PRKRIP1: variants seen among roughly 807,000 people sequenced by gnomAD.
The protein encoded by PRKRIP1 is PRKR interacting protein 1.
PRKRIP1 carries 29 observed loss-of-function variants against 29.3 expected under a neutral mutation model. That is an observed-to-expected ratio of 0.99 (90% CI 0.74 to 1.35). The LOEUF (loss-of-function observed/expected upper bound fraction) is 1.35. PRKRIP1 is among the 40% of genes most tolerant of loss of function. The probability of loss-of-function intolerance (pLI) is 0.00; values close to 1 mark genes in which losing one functional copy is unlikely to be tolerated. For missense variants in PRKRIP1, 247 were observed against 236.8 expected (o/e 1.04, Z -0.28); for synonymous variants, 90 against 85.1 (o/e 1.06, Z -0.32).
intron 1 of PRKRIP1, among the ~76,000 whole-genome samples, chr7:102,396,942 C>T (rs1268022288): frequency 6.6e-6 from 1 of 152,148 alleles, no homozygotes; most frequent in Non-Finnish European, 1.5e-5. Context: ...CTCACACCCC[C>T]TCTGGGCCTC....
chr7:102,403,806 TGTGTGG>T (rs1324109882), intron 3 of PRKRIP1, among the ~76,000 whole-genome samples: 1 of 152,076 alleles, frequency 6.6e-6, no homozygotes, highest in Non-Finnish European at 1.5e-5. Context: ...TACAAATATC[TGTGTGG>T]GTGTGGGTGT....
At position 102,419,888 on chromosome 7, in the gene PRKRIP1, TG is replaced by T. The variant is rs1796649786; in HGVS notation, c.458-5125del. On this transcript the variant is annotated intron_variant, in intron 5 of 5. Coordinates refer to ENST00000397912, the MANE Select transcript of PRKRIP1 (RefSeq NM_024653.4). The stretch of plus-strand genomic sequence containing the variant: ...GTGTGTGTGTGTGTGTGTGTGTGTG[TG>T]TGTGTGTTTTTGAGATGGAGTCTCT... 7.6e-5 allele frequency among the ~76,000 whole-genome samples: 9 copies of T among 118,986 alleles called. No individual in the cohort carries two copies. In the South Asian group the frequency reaches 1.4e-3, roughly 19 times the overall value. The allele number at this position is 118,986 out of a possible 152,430, so 78.1% of individuals were successfully genotyped here. A position where few individuals can be genotyped will look rare whatever the true frequency, so the allele number is the denominator to read the frequency against.
At chr7:102,405,923 C>T in intron 4 of PRKRIP1, 1 of 336,208 alleles carries the variant, frequency 3.0e-6, no homozygotes, top group Non-Finnish European at 5.9e-6. Context: ...TCTTGGAAAG[C>T]ATTTTCTGCA....
intron 5 of PRKRIP1, among the ~76,000 whole-genome samples, chr7:102,413,825 T>C (rs999294601): frequency 6.6e-6 from 1 of 152,174 alleles, no homozygotes; most frequent in Non-Finnish European, 1.5e-5. Flanking sequence ...AAAAACAAAG[T>C]GTGTGCTTCA....
At chr7:102,419,845 TTGTGTGTG>T (rs56752508) in intron 5 of PRKRIP1, among the ~76,000 whole-genome samples, 14,432 of 142,576 alleles carry the variant, frequency 0.1, 952 homozygotes, top group East Asian at 0.28. Context: ...TTTTGTGTTT[TTGTGTGTG>T]TGTGTGTGTG....
rs201122180 is a variant in PRKRIP1, at chr7:102,402,076, TAGAC to T, written c.306+2431_306+2434del. Among the ~76,000 whole-genome samples, 170 of 152,278 alleles carry T rather than the reference TAGAC, an allele frequency of 1.1e-3. No individual in the cohort carries two copies. In the East Asian group the frequency reaches 0.012, roughly 11 times the overall value. On this transcript the variant is annotated intron_variant, in intron 3 of 5. Coordinates refer to ENST00000397912, the MANE Select transcript of PRKRIP1 (RefSeq NM_024653.4). The stretch of plus-strand genomic sequence containing the variant: ...CAGTCTCAATCCTAGTGAGAAGTAT[TAGAC>T]AGTTTTTGTCACAAAATTCTACCAG...
rs114685149 is a variant in PRKRIP1, at chr7:102,424,806, G to A, written c.458-208G>A. Among the ~76,000 whole-genome samples the A allele has an allele frequency of 4.3e-3, 650 of 152,198 alleles. 6 individuals are homozygous for A. Among genetic ancestry groups the A allele is most frequent in the African/African-American group, 0.015 (610 of 41,510 alleles). The stretch of plus-strand genomic sequence containing the variant: ...CTTTGGGTAAAGATGGGGTGCACCC[G>A]TGAGAGCAGTGGTAGATCAGGTCTG... On this transcript the variant is annotated intron_variant, in intron 5 of 5. Transcript: ENST00000397912.
Position 102,425,321 on chromosome 7 carries a change from C to A in PRKRIP1, c.*210C>A. Reference sequence around the variant, plus strand: ...CCTGACACTCAGAGGCACTGCCTTGCAGACACCATCCGTGCTCCTGGTAAA... The same window carrying A: ...CCTGACACTCAGAGGCACTGCCTTGAAGACACCATCCGTGCTCCTGGTAAA... On this transcript the variant is annotated 3_prime_UTR_variant, in exon 6 of 6. Coordinates refer to ENST00000397912, the MANE Select transcript of PRKRIP1 (RefSeq NM_024653.4). 1.1e-6 allele frequency: 1 copy of A among 925,418 alleles called. No homozygotes were observed. Among genetic ancestry groups the A allele is most frequent in the South Asian group, 1.5e-5 (1 of 65,504 alleles). 57.3% of individuals were successfully genotyped at this position (925,418 alleles called of 1,614,324 possible).
chr7:102,423,809 G>A (rs1299432933), intron 5 of PRKRIP1, among the ~76,000 whole-genome samples: 1 of 151,968 alleles, frequency 6.6e-6, no homozygotes, highest in African/African-American at 2.4e-5. Flanking sequence ...CATGAGTAGC[G>A]AGGACTATAG....
At chr7:102,396,565 C>A (rs782199846) in intron 1 of PRKRIP1, 28 bp downstream of exon 1, 9 of 1,595,750 alleles carry the variant, frequency 5.6e-6, no homozygotes, top group Non-Finnish European at 7.7e-6. Context: ...CTCCACGGCC[C>A]GTCCGAGGCC....
In PRKRIP1 at chr7:102,399,588, C is replaced by T. The variant is rs1554570932; in HGVS notation, c.246C>T (p.Tyr82=). ...CCGGCAGTGGAGAGTTCCACGTGTACAGACATCTGCGCCGGAGAGAATATC... is the reference window on the plus strand; with the variant it reads ...CCGGCAGTGGAGAGTTCCACGTGTATAGACATCTGCGCCGGAGAGAATATC... ...AGAGSGEFHV[Y]RHLRRREYQR... The change falls in exon 3 of 6, where the codon TAC becomes TAT. Residue 82 remains tyrosine, a synonymous_variant. Coordinates refer to ENST00000397912, the MANE Select transcript of PRKRIP1 (RefSeq NM_024653.4). 1 of 1,614,146 alleles carries T rather than the reference C, an allele frequency of 6.2e-7. No homozygotes were observed. The highest frequency in any genetic ancestry group is 1.1e-5 in the South Asian group (1 of 91,090).
chr7:102,406,215 G>C (rs148814679), intron 4 of PRKRIP1, among the ~76,000 whole-genome samples: 2 of 152,110 alleles, frequency 1.3e-5, no homozygotes, highest in African/African-American at 4.8e-5. Context: ...TGGTTTCACC[G>C]GGATTCAGAA....
chr7:102,398,182 TC>T (rs1216434800), intron 2 of PRKRIP1, among the ~76,000 whole-genome samples: 1 of 152,258 alleles, frequency 6.6e-6, no homozygotes, highest in South Asian at 2.1e-4. Context: ...TATTTGTTTT[TC>T]ATTTGACATT....
Position 102,399,630 on chromosome 7 carries a change from G to A in PRKRIP1, c.288G>A (p.Met96Ile), listed in dbSNP as rs1796011464. ...RRREYQRQDYMDAMAEKQKLD... is the reference protein window; with the variant it reads ...RRREYQRQDYIDAMAEKQKLD... ...GAGAATATCAGCGACAGGACTACAT[G>A]GATGCCATGGCTGAGAAGGTCAGTG... Residue 96 changes from methionine (M) to isoleucine (I), a missense_variant, in exon 3 of 6, where the codon ATG (methionine) becomes ATA (isoleucine). Transcript: ENST00000397912. 2 of 1,613,642 alleles carry A rather than the reference G, an allele frequency of 1.2e-6. No individual in the cohort carries two copies. Among genetic ancestry groups the A allele is most frequent in the African/African-American group, 1.3e-5 (1 of 74,914 alleles).
In PRKRIP1 at chr7:102,397,702, ATGGC is replaced by A; in HGVS notation, c.205+7_205+10del. 1 of 1,553,328 alleles carries A rather than the reference ATGGC, an allele frequency of 6.4e-7. No homozygotes were observed. The highest frequency in any genetic ancestry group is 8.7e-7 in the Non-Finnish European group (1 of 1,149,278). On this transcript the variant is annotated splice_donor_5th_base_variant and intron_variant, in intron 2 of 5. Transcript: ENST00000397912. ...GAATTTGTCCGAGATGTCATGGGTA[ATGGC>A]TGTGTGTGTGTGTGTGTGTGTGTGT...
chr7:102,424,976 TTTTGCATGTCTGTAA>T (rs1554574242), intron 5 of PRKRIP1, 23 bp from the exon 6 acceptor site: 61 of 1,598,626 alleles, frequency 3.8e-5, no homozygotes, highest in Non-Finnish European at 5.2e-5. Flanking sequence ...CCCTGAACGA[TTTTGCATGTCTGTAA>T]TTTGAATGTC....
chr7:102,423,094 C>T (rs1554573967), intron 5 of PRKRIP1: 2 of 447,926 alleles, frequency 4.5e-6, no homozygotes, highest in East Asian at 7.0e-5. Context: ...TCATCAGAAG[C>T]AGAATTAAAG....
At chr7:102,407,361 A>G (rs1796260187) in intron 4 of PRKRIP1, 73 bp from the exon 5 acceptor site, 2 of 887,838 alleles carry the variant, frequency 2.3e-6, no homozygotes, top group Admixed American at 2.1e-5. Flanking sequence ...GAGATACCAT[A>G]AGGAGGTGTT....
chr7:102,422,433 C>T (rs1796719163), intron 5 of PRKRIP1, among the ~76,000 whole-genome samples: 1 of 151,506 alleles, frequency 6.6e-6, no homozygotes, highest in African/African-American at 2.4e-5. Context: ...CCACCTCCCA[C>T]CCCCGGTTCA....
Sources: allele counts gnomAD v4.1 joint callset (sites outside exome capture counted in the v4.1 genomes callset), GRCh38; gene constraint gnomAD v4.1.1; transcripts MANE v1.5; gene names NCBI Gene and HGNC (gene_info 2026-07-23, HGNC 2026-07-21).